Variants in RBM44 observed in about 807,000 individuals in gnomAD.
RBM44 encodes the protein RNA binding motif protein 44.
RBM44 carries 66 observed loss-of-function variants against 105.1 expected under a neutral mutation model. The ratio of observed to expected loss-of-function variants is 0.63; its 90% CI spans 0.52 to 0.77. The LOEUF is 0.77. RBM44 is among the 30% of genes least tolerant of loss of function. RBM44 has a pLI of 0.00. For missense variants in RBM44, 1,122 were observed against 1,207.8 expected (o/e 0.93, Z 1.05); for synonymous variants, 365 against 417.6 (o/e 0.87, Z 1.54).
chr2:237,834,773 C>G (rs2061940457), intron 15 of RBM44: 1 of 157,592 alleles, frequency 6.3e-6, no homozygotes, highest in African/African-American at 2.4e-5. Flanking sequence ...ATCTGCTTCT[C>G]AGGGGGCTCA....
chr2:237,824,607 C>A (rs1242527008), intron 10 of RBM44, among the ~76,000 whole-genome samples, 188 bp downstream of exon 10: 5 of 151,930 alleles, frequency 3.3e-5, no homozygotes, highest in Admixed American at 3.3e-4. Flanking sequence ...GAGGAAAAAA[C>A]TGCTAAAAGC....
chr2:237,826,193 C>A (rs2061846391), intron 10 of RBM44, among the ~76,000 whole-genome samples: 1 of 151,882 alleles, frequency 6.6e-6, no homozygotes, highest in Non-Finnish European at 1.5e-5. Flanking sequence ...TTCCACATCT[C>A]CCATTACTAT....
Position 237,817,336 on chromosome 2 carries a change from A to G in RBM44, c.417A>G (p.Lys139=), listed in dbSNP as rs752622285. ...CAGAATTAGATCCTGAAGTGCAGAA[A>G]AAAGAGGAGGTTTTTTTTAATATTT... ...LSSELDPEVQ[K]KEEVFFNILE... The change falls in exon 3 of 16, where the codon AAA becomes AAG. Residue 139 remains lysine (K), a synonymous_variant. Transcript: ENST00000316997. 2.7e-5 allele frequency: 43 copies of G among 1,602,952 alleles called. No homozygotes were observed. Among genetic ancestry groups the G allele is most frequent in the Admixed American group, 1.8e-5 (1 of 57,102 alleles).
rs1344267560 is a variant in RBM44, at chr2:237,827,431, A to G, written c.2530-2A>G. On this transcript the variant is annotated splice_acceptor_variant, in intron 11 of 15. Coordinates refer to ENST00000316997, the MANE Select transcript of RBM44 (RefSeq NM_001080504.3). LOFTEE classifies it high-confidence loss of function. ...CACAAACTTTTATTTCTCTTCTTTT[A>G]GGCCGATTTAAGGTCTCATTTCCAA... The G allele has an allele frequency of 3.3e-6, 5 of 1,516,972 alleles. No homozygotes were observed. The highest frequency in any genetic ancestry group is 4.5e-6 in the Non-Finnish European group (5 of 1,117,218). The allele number at this position is 1,516,972 out of a possible 1,614,324, so 94.0% of individuals were successfully genotyped here.
chr2:237,811,821 T>A (rs894921414), intron 1 of RBM44, among the ~76,000 whole-genome samples: 2 of 152,344 alleles, frequency 1.3e-5, no homozygotes, highest in African/African-American at 4.8e-5. Context: ...CAATGCTCAT[T>A]TTTGTTTCAG....
In RBM44 at chr2:237,818,432, A is replaced by G. The variant is rs1164712257; in HGVS notation, c.1513A>G (p.Lys505Glu). Residue 505 changes from lysine to glutamate, a missense_variant, in exon 3 of 16, where the codon AAA becomes GAA. Around this residue, in one of 3 missense-constraint regions of RBM44, gnomAD observed 918 missense variants for 955.3 expected, o/e 0.96. Coordinates refer to ENST00000316997, the MANE Select transcript of RBM44 (RefSeq NM_001080504.3). The surrounding 1 kb of genome is among the most constrained non-coding windows in gnomAD (Gnocchi z 4.6). ...CACAGAGATAACAATGATGAATAAA[A>G]AACGACCTGATGAATGGCAAAATGA... ...SNTEITMMNK[K>E]RPDEWQNEKQ... The G allele has an allele frequency of 5.0e-6, 8 of 1,613,086 alleles. No individual in the cohort carries two copies. Among genetic ancestry groups the G allele is most frequent in the Non-Finnish European group, 6.8e-6 (8 of 1,179,548 alleles).
At chr2:237,836,622 A>G (rs537677463) in intron 15 of RBM44, among the ~76,000 whole-genome samples, 65 of 152,196 alleles carry the variant, frequency 4.3e-4, no homozygotes, top group Non-Finnish European at 7.9e-4. Context: ...TCTACTAAAA[A>G]TACAAAAATT....
At chr2:237,819,008 A>T in intron 4 of RBM44, 49 bp downstream of exon 4, 3 of 990,134 alleles carry the variant, frequency 3.0e-6, no homozygotes, top group Non-Finnish European at 3.0e-6. Flanking sequence ...AAAAAATCAA[A>T]ATAGTATTTG....
At chr2:237,800,454 T>C (rs1285308803) in intron 1 of RBM44, among the ~76,000 whole-genome samples, 1 of 152,238 alleles carries the variant, frequency 6.6e-6, no homozygotes, top group Non-Finnish European at 1.5e-5. Context: ...TGTCTTCATA[T>C]TTAAGAATGA....
Position 237,834,407 on chromosome 2 carries a change from CA to C in RBM44, c.*12del. On this transcript the variant is annotated 3_prime_UTR_variant, in exon 15 of 16. Transcript: ENST00000316997. ...AAAACTCTGCTTCCAGTTAGGAATT[CA>C]AAAAACAATAAAGAGGTAAAGTAAT... 2.0e-6 allele frequency: 3 copies of C among 1,491,838 alleles called. No individual in the cohort carries two copies. The highest frequency in any genetic ancestry group is 1.4e-5 in the South Asian group (1 of 73,350). 92.4% of individuals were successfully genotyped at this position (1,491,838 alleles called of 1,614,324 possible).
At position 237,842,713 on chromosome 2, in the gene RBM44, A is replaced by C. The variant is rs2062023567; in HGVS notation, c.*897A>C. On this transcript the variant is annotated 3_prime_UTR_variant, in exon 16 of 16. Coordinates refer to ENST00000316997, the MANE Select transcript of RBM44 (RefSeq NM_001080504.3). ...TTTAAATGTTTTAAATGTTTATAGC[A>C]TTCAATGTGTAGTTGGATTTACTTG... 6.6e-6 allele frequency: 1 copy of C among 152,064 alleles called. No individual in the cohort carries two copies. The highest frequency in any genetic ancestry group is 1.5e-5 in the Non-Finnish European group (1 of 67,956). The allele number at this position is 152,064 out of a possible 1,614,324, so 9.4% of individuals were successfully genotyped here. A position where few individuals can be genotyped will look rare whatever the true frequency, so the allele number is the denominator to read the frequency against.
chr2:237,836,891 A>G (rs2061965410), intron 15 of RBM44, among the ~76,000 whole-genome samples: 1 of 152,088 alleles, frequency 6.6e-6, no homozygotes, highest in Non-Finnish European at 1.5e-5. Flanking sequence ...TAGCCTCCCA[A>G]AGTGCTAGGG....
rs2062009504 is a variant in RBM44 at position 237,841,270 on chromosome 2, G to A, written c.*23-569G>A. On this transcript the variant is annotated intron_variant, in intron 15 of 15. Transcript: ENST00000316997. This position sits in a 1 kb window ranked among gnomAD's most constrained non-coding sequence, Gnocchi z 4.5. ...GAATGAGATGATGTGCTTTGCAGCAGTATGGATGGAGCTAGAGGCCGTTAT... is the reference window on the plus strand; with the variant it reads ...GAATGAGATGATGTGCTTTGCAGCAATATGGATGGAGCTAGAGGCCGTTAT... 6.6e-6 allele frequency among the ~76,000 whole-genome samples: 1 copy of A among 152,224 alleles called. No individual in the cohort carries two copies. Among genetic ancestry groups the A allele is most frequent in the Non-Finnish European group, 1.5e-5 (1 of 68,042 alleles).
chr2:237,804,661 C>T (rs1214716650), intron 1 of RBM44, among the ~76,000 whole-genome samples: 1 of 152,080 alleles, frequency 6.6e-6, no homozygotes, highest in Admixed American at 6.6e-5. Flanking sequence ...TGATTTGTTT[C>T]AATTCCCTAT....
rs1004877037 is a variant in RBM44, at chr2:237,818,949, C to G, written c.1726C>G (p.His576Asp). ...KACGITDLKK[H>D]PEREFQLFKD... ...ATGTGGTATCACAGACCTAAAGAAA[C>G]ATCCTGAGAGGTACATCATTTATAT... Residue 576 changes from histidine to aspartate, a missense_variant, in exon 4 of 16, where the codon CAT becomes GAT. By Grantham distance (81) the His-to-Asp change is moderately conservative (BLOSUM62 -1). Coordinates refer to ENST00000316997, the MANE Select transcript of RBM44 (RefSeq NM_001080504.3). This position sits in a 1 kb window ranked among gnomAD's most constrained non-coding sequence, Gnocchi z 4.6. 3.4e-6 allele frequency: 5 copies of G among 1,461,780 alleles called. No individual in the cohort carries two copies. In the African/African-American group the frequency reaches 5.6e-5, roughly 16 times the overall value. The allele number at this position is 1,461,780 out of a possible 1,614,324, so 90.6% of individuals were successfully genotyped here.
chr2:237,818,755 A>C lies in RBM44; in HGVS notation c.1678-146A>C. 1 of 659,380 alleles carries C rather than the reference A, an allele frequency of 1.5e-6. No individual in the cohort carries two copies. The highest frequency in any genetic ancestry group is 2.5e-6 in the Non-Finnish European group (1 of 401,552). The allele number at this position is 659,380 out of a possible 1,614,324, so 40.8% of individuals were successfully genotyped here. A position where few individuals can be genotyped will look rare whatever the true frequency, so the allele number is the denominator to read the frequency against. ...AGTAAATTAAAAAGTAAATTAAAAAAAAAAGACGTGTAAATTACCACCAGT... is the reference window on the plus strand; with the variant it reads ...AGTAAATTAAAAAGTAAATTAAAAACAAAAGACGTGTAAATTACCACCAGT... On this transcript the variant is annotated intron_variant, in intron 3 of 15. Coordinates refer to ENST00000316997, the MANE Select transcript of RBM44 (RefSeq NM_001080504.3). The surrounding 1 kb of genome is among the most constrained non-coding windows in gnomAD (Gnocchi z 4.6).
At chr2:237,815,732 AT>A (rs761183671) in intron 2 of RBM44, among the ~76,000 whole-genome samples, 28 of 152,074 alleles carry the variant, frequency 1.8e-4, no homozygotes, top group Non-Finnish European at 2.4e-4. Flanking sequence ...GTAAAAAAAA[AT>A]CTTTTGAAAA....
chr2:237,816,249 G>T (rs61372812), intron 2 of RBM44, among the ~76,000 whole-genome samples: 26,166 of 151,976 alleles, frequency 0.17, 2,424 homozygotes, highest in Middle Eastern at 0.25. Flanking sequence ...TCAGCACTGT[G>T]TTAAAATTAC....
rs2150983520 is a variant in RBM44, at chr2:237,824,312, C to T, written c.2342C>T (p.Thr781Ile). The part of the protein sequence containing the change: ...GDKDCRHYQE[T>I]SEDWSDAKES... ...TTAGACTGCAGACATTACCAAGAGA[C>T]AAGCGAAGACTGGTCTGATGCTAAA... Residue 781 changes from threonine (T) to isoleucine (I), a missense_variant, in exon 10 of 16, where the codon ACA (threonine) becomes ATA (isoleucine). By Grantham distance (89) the Thr-to-Ile change is moderately conservative. Transcript: ENST00000316997. 1 of 1,612,992 alleles carries T rather than the reference C, an allele frequency of 6.2e-7. No homozygotes were observed. Among genetic ancestry groups the T allele is most frequent in the Non-Finnish European group, 8.5e-7 (1 of 1,179,312 alleles).
Sources: gnomAD v4.1 joint callset for allele counts (sites outside exome capture counted in the v4.1 genomes callset) on GRCh38, gnomAD v4.1.1 for gene constraint, gnomAD v4.1.1 regional missense constraint, Gnocchi (gnomAD v3.1) non-coding constraint, MANE v1.5 for transcripts, NCBI Gene and HGNC (gene_info 2026-07-23, HGNC 2026-07-21) for gene names.